Variants in TRPM4 observed in about 807,000 individuals in gnomAD.
TRPM4 encodes transient receptor potential cation channel subfamily M member 4, also known as calcium-activated non-selective cation channel 1.
TRPM4 carries 124 observed loss-of-function variants against 135.6 expected under a neutral mutation model. The observed-to-expected ratio is 0.91, with a 90% CI of 0.79 to 1.06. The LOEUF is 1.06. TRPM4 is among the 50% of genes least tolerant of loss of function. TRPM4 has a pLI of 0.00. For synonymous variants in TRPM4, 745 were observed against 705.6 expected, an observed-to-expected ratio of 1.06 and a Z score of -0.88; for missense variants, 1,658 against 1,671.4, an observed-to-expected ratio of 0.99 and a Z score of 0.14.
chr19:49,182,549 C>G lies in TRPM4; in HGVS notation c.1264-29C>G, dbSNP rs1968019496. ...TCTTGTCCTTAACCTTTGAGCTAATCTCTTCCCCTATTCATCCCACCCTGC... is the reference window on the plus strand; with the variant it reads ...TCTTGTCCTTAACCTTTGAGCTAATGTCTTCCCCTATTCATCCCACCCTGC... On this transcript the variant is annotated intron_variant, in intron 10 of 24. Coordinates refer to ENST00000252826, the MANE Select transcript of TRPM4 (RefSeq NM_017636.4). The G allele has an allele frequency of 5.6e-6, 9 of 1,592,994 alleles. No individual in the cohort carries two copies. The African/African-American group carries it at 8.0e-5, about 14-fold the overall frequency.
At chr19:49,208,767 C>T (rs778409355) in intron 20 of TRPM4, among the ~76,000 whole-genome samples, 1 of 151,788 alleles carries the variant, frequency 6.6e-6, no homozygotes, top group Non-Finnish European at 1.5e-5. Flanking sequence ...TGGCTTGCCG[C>T]CCACACATGG....
At chr19:49,193,645 G>A (rs1287783968) in intron 16 of TRPM4, among the ~76,000 whole-genome samples, 1 of 152,128 alleles carries the variant, frequency 6.6e-6, no homozygotes, top group Non-Finnish European at 1.5e-5. Flanking sequence ...GAACCTGCCT[G>A]TGGCCTGGCT....
rs1307305489 is a variant in TRPM4, at chr19:49,168,303, G to T, written c.492G>T (p.Arg164=). 6.2e-7 allele frequency: 1 copy of T among 1,614,172 alleles called. No individual in the cohort carries two copies. The highest frequency in any genetic ancestry group is 8.5e-7 in the Non-Finnish European group (1 of 1,180,044). Residue 164 remains arginine, a synonymous_variant, in exon 5 of 25, where the codon CGG becomes CGT. Coordinates refer to ENST00000252826, the MANE Select transcript of TRPM4 (RefSeq NM_017636.4). ...GGGGTCTGCACACGGGCATCGGCCG[G>T]CATGTTGGTGTGGCTGTACGGGACC... ...VTGGLHTGIG[R]HVGVAVRDHQ... is the part of the protein sequence containing the mutation.
In TRPM4 at chr19:49,210,341, G is replaced by A; in HGVS notation, c.3264G>A (p.Leu1088=). ...TCGTCATCTCCCACTTGCGCCTCCT[G>A]CTCAGGCAATTGTGCAGGCGACCCC... ...PFIVISHLRL[L]LRQLCRRPRS... The change falls in exon 21 of 25, where the codon CTG becomes CTA. Residue 1088 remains leucine (L), a synonymous_variant. Coordinates refer to ENST00000252826, the MANE Select transcript of TRPM4 (RefSeq NM_017636.4). The surrounding 1 kb of genome is among the most constrained non-coding windows in gnomAD (Gnocchi z 4.1). 2 of 1,614,180 alleles carry A rather than the reference G, an allele frequency of 1.2e-6. No homozygotes were observed. The highest frequency in any genetic ancestry group is 2.7e-5 in the African/African-American group (2 of 75,060).
chr19:49,176,209 C>T (rs1014818725), intron 9 of TRPM4, among the ~76,000 whole-genome samples: 3 of 151,952 alleles, frequency 2.0e-5, no homozygotes, highest in African/African-American at 4.8e-5. Context: ...CAGGTGTGAG[C>T]CACCGCGCCC....
chr19:49,175,985 G>A (rs1276682138), intron 9 of TRPM4, among the ~76,000 whole-genome samples: 16 of 139,044 alleles, frequency 1.2e-4, no homozygotes, highest in Admixed American at 1.2e-3. Flanking sequence ...GTGCAATGGC[G>A]CCATCTCAGC....
intron 16 of TRPM4, among the ~76,000 whole-genome samples, chr19:49,192,650 G>A (rs1288860895): frequency 6.6e-6 from 1 of 152,086 alleles, no homozygotes; most frequent in African/African-American, 2.4e-5. Flanking sequence ...CACACAGAGT[G>A]AAACAACACA....
At chr19:49,181,178 G>T (rs185532157) in intron 9 of TRPM4, among the ~76,000 whole-genome samples, 171 bp from the exon 10 acceptor site, 3 of 152,240 alleles carry the variant, frequency 2.0e-5, no homozygotes, top group Admixed American at 2.0e-4. Flanking sequence ...TGAGCCAAAT[G>T]ACCTTATGCC....
chr19:49,163,631 A>G (rs570382017), intron 2 of TRPM4, among the ~76,000 whole-genome samples: 2 of 152,228 alleles, frequency 1.3e-5, no homozygotes, highest in East Asian at 3.9e-4. Context: ...AGCTGGAACC[A>G]CAGGCGTGCA....
At chr19:49,176,046 C>T (rs1201898889) in intron 9 of TRPM4, among the ~76,000 whole-genome samples, 1 of 151,690 alleles carries the variant, frequency 6.6e-6, no homozygotes, top group Admixed American at 6.6e-5. Context: ...GCCTCAGCCT[C>T]CTGAGTAGCT....
intron 15 of TRPM4, 63 bp from the exon 16 acceptor site, chr19:49,190,633 T>G (rs1165073966): frequency 6.5e-6 from 10 of 1,545,020 alleles, no homozygotes; most frequent in Non-Finnish European, 8.1e-6. Flanking sequence ...TGAGTTTTGC[T>G]GGAGAATGCC....
At chr19:49,201,930 C>A in intron 19 of TRPM4, 34 bp from the exon 20 acceptor site, 2 of 1,610,660 alleles carry the variant, frequency 1.2e-6, no homozygotes, top group South Asian at 1.1e-5. Flanking sequence ...GTCTCTGTCC[C>A]CCTCACCCCA....
intron 9 of TRPM4, among the ~76,000 whole-genome samples, chr19:49,177,819 T>C (rs945497152): frequency 9.8e-5 from 15 of 152,286 alleles, no homozygotes; most frequent in African/African-American, 2.2e-4. Flanking sequence ...AGGCTTTTCA[T>C]GTGAGTCTGT....
At position 49,190,485 on chromosome 19, in the gene TRPM4, TG is replaced by T. The variant is rs3215289; in HGVS notation, c.2132+172del. ...AGGGAGTGCTGTGGGAGGTGAGTTT[TG>T]GGGGGGATCCTCCCTGTGGTATCTC... is the stretch of plus-strand genomic sequence containing the variant. On this transcript the variant is annotated intron_variant, in intron 15 of 24. Transcript: ENST00000252826. 0.092 allele frequency among the ~76,000 whole-genome samples: 14,047 copies of T among 152,056 alleles called. 962 individuals are homozygous for T. The highest frequency in any genetic ancestry group is 0.18 in the African/African-American group (7,450 of 41,412).
At chr19:49,202,221 G>C in intron 20 of TRPM4, 80 bp downstream of exon 20, 1 of 1,514,274 alleles carries the variant, frequency 6.6e-7, no homozygotes, top group Non-Finnish European at 9.1e-7. Context: ...CCCGTCTAAT[G>C]AATTCTGTTT....
At chr19:49,183,584 G>GTTTTA (rs1233751436) in intron 12 of TRPM4, among the ~76,000 whole-genome samples, 1 of 151,068 alleles carries the variant, frequency 6.6e-6, no homozygotes, top group Admixed American at 6.6e-5. Context: ...GTTTTGTTTT[G>GTTTTA]TTTTAGTAGA....
chr19:49,185,211 ATTCAT>A (rs1456412249), intron 12 of TRPM4, among the ~76,000 whole-genome samples: 3 of 151,630 alleles, frequency 2.0e-5, no homozygotes, highest in Admixed American at 6.6e-5. Flanking sequence ...ACTCATTTCT[ATTCAT>A]TTCATTTCTT....
Position 49,210,559 on chromosome 19 carries a change from G to A in TRPM4, c.3329-151G>A. 1 of 1,400,608 alleles carries A rather than the reference G, an allele frequency of 7.1e-7. No homozygotes were observed. The highest frequency in any genetic ancestry group is 9.9e-7 in the Non-Finnish European group (1 of 1,005,964). The allele number at this position is 1,400,608 out of a possible 1,614,324, so 86.8% of individuals were successfully genotyped here. ...CAAGGGGCGGAGCTTAAGCACTGAG[G>A]GGCAGTGCTTACGGGTGAGGGGCGG... On this transcript the variant is annotated intron_variant, in intron 21 of 24. Transcript: ENST00000252826. This position sits in a 1 kb window ranked among gnomAD's most constrained non-coding sequence, Gnocchi z 4.1.
chr19:49,182,133 CATT>C (rs1190132783), intron 10 of TRPM4, among the ~76,000 whole-genome samples: 69 of 110,688 alleles, frequency 6.2e-4, no homozygotes, highest in South Asian at 2.9e-3. Flanking sequence ...TCCATCTGTC[CATT>C]CATCCATCCA....
Sources: allele counts gnomAD v4.1 joint callset (sites outside exome capture counted in the v4.1 genomes callset), GRCh38; gene constraint gnomAD v4.1.1; non-coding constraint Gnocchi (gnomAD v3.1); transcripts MANE v1.5; gene names NCBI Gene and HGNC (gene_info 2026-07-23, HGNC 2026-07-21).